Variants in SLC16A10 observed in about 807,000 individuals in gnomAD.
The protein encoded by SLC16A10 is monocarboxylate transporter 10.
SLC16A10 carries 27 observed loss-of-function variants against 40.0 expected under a neutral mutation model. The ratio of observed to expected loss-of-function variants is 0.67; its 90% CI spans 0.50 to 0.93. The LOEUF (loss-of-function observed/expected upper bound fraction) is 0.93, where lower values mean the gene tolerates loss of function less well. Among genes scored for constraint, SLC16A10 ranks in the 40% least tolerant of loss-of-function variants. The pLI is 0.00. For synonymous variants in SLC16A10, 213 were observed against 249.8 expected (o/e 0.85, Z 1.39); for missense variants, 529 against 658.2 (o/e 0.80, Z 2.15).
rs1770943716 is a variant in SLC16A10, at chr6:111,223,753, G to T, written c.*1518G>T. The T allele has an allele frequency of 6.6e-6, 1 of 152,022 alleles. No homozygotes were observed. The highest frequency in any genetic ancestry group is 2.4e-5 in the African/African-American group (1 of 41,386). 9.4% of individuals were successfully genotyped at this position (152,022 alleles called of 1,614,324 possible). A position where few individuals can be genotyped will look rare whatever the true frequency, so the allele number is the denominator to read the frequency against. On this transcript the variant is annotated 3_prime_UTR_variant, in exon 6 of 6. Coordinates refer to ENST00000368851, the MANE Select transcript of SLC16A10 (RefSeq NM_018593.5). The stretch of plus-strand genomic sequence containing the variant: ...TATAAAACGTTACTTTCTCATTTTT[G>T]AGAAGTTCAACAAAACATACTACTA...
At chr6:111,149,535 AT>A (rs1232329413) in intron 1 of SLC16A10, among the ~76,000 whole-genome samples, 1 of 152,190 alleles carries the variant, frequency 6.6e-6, no homozygotes, top group Non-Finnish European at 1.5e-5. Context: ...CCTAAAATTA[AT>A]TTTTTATGAT....
chr6:111,228,816 G>A lies in SLC16A10; in HGVS notation c.*6581G>A, dbSNP rs889235826. The A allele has an allele frequency of 6.6e-6, 1 of 152,040 alleles. No homozygotes were observed. The highest frequency in any genetic ancestry group is 1.5e-5 in the Non-Finnish European group (1 of 68,064). 9.4% of individuals were successfully genotyped at this position (152,040 alleles called of 1,614,324 possible). Reference sequence around the variant, plus strand: ...AGGCCGAGACAGGCGAATCACCTGAGGTCAGATGTTGGAGACCAGCCTGAC... The same window carrying A: ...AGGCCGAGACAGGCGAATCACCTGAAGTCAGATGTTGGAGACCAGCCTGAC... On this transcript the variant is annotated 3_prime_UTR_variant, in exon 6 of 6. Transcript: ENST00000368851.
chr6:111,203,756 T>TAAATAAAAAAAA (rs1441375360), intron 3 of SLC16A10, among the ~76,000 whole-genome samples: 2 of 59,884 alleles, frequency 3.3e-5, no homozygotes, highest in East Asian at 6.7e-4. Context: ...ATAAATAAAA[T>TAAATAAAAAAAA]AATGCCCCTT....
chr6:111,128,311 C>T (rs1017369615), intron 1 of SLC16A10, among the ~76,000 whole-genome samples: 1 of 152,144 alleles, frequency 6.6e-6, no homozygotes, highest in Non-Finnish European at 1.5e-5. Flanking sequence ...GAAAATGAGG[C>T]ACAGAGTGGT....
rs957269189 is a variant in SLC16A10, at chr6:111,157,428, C to T, written c.344-15267C>T. Reference sequence around the variant, plus strand: ...CCTCCTGAGTAGCTGGGACTACAGGCACCTGCCACTACGCCCAGCTAATTT... The same window carrying T: ...CCTCCTGAGTAGCTGGGACTACAGGTACCTGCCACTACGCCCAGCTAATTT... On this transcript the variant is annotated intron_variant, in intron 1 of 5. Transcript: ENST00000368851. 2.0e-5 allele frequency among the ~76,000 whole-genome samples: 3 copies of T among 152,140 alleles called. No homozygotes were observed. In the East Asian group the frequency reaches 5.8e-4, roughly 29 times the overall value.
intron 3 of SLC16A10, 55 bp downstream of exon 3, chr6:111,177,720 C>A: frequency 2.1e-6 from 3 of 1,432,338 alleles, no homozygotes; most frequent in South Asian, 1.6e-5. Flanking sequence ...AGAAAAACTT[C>A]TTTGAAGAGA....
At chr6:111,098,872 C>T (rs1207085573) in intron 1 of SLC16A10, among the ~76,000 whole-genome samples, 2 of 152,024 alleles carry the variant, frequency 1.3e-5, no homozygotes, top group Non-Finnish European at 2.9e-5. Context: ...ACAGGAGGAC[C>T]CCAGCCATGT....
intron 1 of SLC16A10, among the ~76,000 whole-genome samples, chr6:111,143,000 CTG>C (rs1309736577): frequency 6.6e-6 from 1 of 152,204 alleles, no homozygotes; most frequent in Admixed American, 6.5e-5. Flanking sequence ...AATAAATAAA[CTG>C]TAGCATATCC....
At chr6:111,209,486 C>T (rs1418136182) in intron 4 of SLC16A10, among the ~76,000 whole-genome samples, 2 of 152,056 alleles carry the variant, frequency 1.3e-5, no homozygotes, top group African/African-American at 4.8e-5. Context: ...AAAATTTTCA[C>T]CCAACCTACC....
At chr6:111,140,613 C>T (rs898440521) in intron 1 of SLC16A10, among the ~76,000 whole-genome samples, 3 of 152,082 alleles carry the variant, frequency 2.0e-5, no homozygotes, top group African/African-American at 4.8e-5. Flanking sequence ...TAAGGTATGC[C>T]AGTGGAGGCT....
At chr6:111,172,266 T>C (rs1772599409) in intron 1 of SLC16A10, among the ~76,000 whole-genome samples, 1 of 152,220 alleles carries the variant, frequency 6.6e-6, no homozygotes, top group Non-Finnish European at 1.5e-5. Context: ...GTTTATTATA[T>C]ATTTTAGAAG....
At position 111,224,564 on chromosome 6, in the gene SLC16A10, C is replaced by G. The variant is rs964226927; in HGVS notation, c.*2329C>G. The G allele has an allele frequency of 6.6e-6, 1 of 152,072 alleles. No individual in the cohort carries two copies. Among genetic ancestry groups the G allele is most frequent in the Non-Finnish European group, 1.5e-5 (1 of 68,012 alleles). The allele number at this position is 152,072 out of a possible 1,614,324, so 9.4% of individuals were successfully genotyped here. A position where few individuals can be genotyped will look rare whatever the true frequency, so the allele number is the denominator to read the frequency against. ...TTTAATGGAATGAATCAAACTGGAT[C>G]TATAACACTGAAAAAGTTCTATTGT... is the stretch of plus-strand genomic sequence containing the variant. On this transcript the variant is annotated 3_prime_UTR_variant, in exon 6 of 6. Transcript: ENST00000368851.
At chr6:111,158,678 T>A (rs1451850564) in intron 1 of SLC16A10, among the ~76,000 whole-genome samples, 2 of 152,218 alleles carry the variant, frequency 1.3e-5, no homozygotes, top group Admixed American at 1.3e-4. Flanking sequence ...TTAACTTTAG[T>A]ATTTTTTTGT....
In SLC16A10 at chr6:111,223,573, T is replaced by C. The variant is rs1770940693; in HGVS notation, c.*1338T>C. On this transcript the variant is annotated 3_prime_UTR_variant, in exon 6 of 6. Transcript: ENST00000368851. ...ATACATGCAGTTGCACCTTACCACT[T>C]CTAATAGTGTCATATTTCATATTCA... The C allele has an allele frequency of 6.6e-6, 1 of 152,174 alleles. No individual in the cohort carries two copies. The highest frequency in any genetic ancestry group is 2.1e-4 in the South Asian group (1 of 4,832). The allele number at this position is 152,174 out of a possible 1,614,324, so 9.4% of individuals were successfully genotyped here.
At chr6:111,204,878 C>T (rs542244584) in intron 3 of SLC16A10, among the ~76,000 whole-genome samples, 91 of 152,084 alleles carry the variant, frequency 6.0e-4, no homozygotes, top group African/African-American at 2.1e-3. Flanking sequence ...CTCCAATGAA[C>T]CTGTTTTACT....
At chr6:111,199,349 C>G (rs543956917) in intron 3 of SLC16A10, among the ~76,000 whole-genome samples, 1 of 151,820 alleles carries the variant, frequency 6.6e-6, no homozygotes, top group Admixed American at 6.6e-5. Context: ...ATCCCAGCTA[C>G]TTGGGAGGCT....
At chr6:111,187,510 C>T (rs565757765) in intron 3 of SLC16A10, among the ~76,000 whole-genome samples, 39 of 152,178 alleles carry the variant, frequency 2.6e-4, no homozygotes, top group Admixed American at 9.8e-4. Flanking sequence ...GGTAAAGGAA[C>T]GAAGGCATGG....
chr6:111,152,523 T>C (rs888141388), intron 1 of SLC16A10, among the ~76,000 whole-genome samples: 2 of 152,236 alleles, frequency 1.3e-5, no homozygotes, highest in African/African-American at 2.4e-5. Context: ...AAAATCTTCC[T>C]TGTCACATAA....
chr6:111,140,764 G>A (rs1682735523), intron 1 of SLC16A10, among the ~76,000 whole-genome samples: 1 of 152,080 alleles, frequency 6.6e-6, no homozygotes, highest in African/African-American at 2.4e-5. Flanking sequence ...AAATATCAAA[G>A]ATGATAGAAT....
Sources: allele counts gnomAD v4.1 joint callset (sites outside exome capture counted in the v4.1 genomes callset), GRCh38; gene constraint gnomAD v4.1.1; transcripts MANE v1.5; gene names NCBI Gene and HGNC (gene_info 2026-07-23, HGNC 2026-07-21).